Variants in IGF2BP2 observed in about 807,000 individuals in gnomAD.
The protein encoded by IGF2BP2 is insulin like growth factor 2 mRNA binding protein 2, also known as insulin-like growth factor 2 mRNA-binding protein 2.
Under a neutral mutation model 75.8 loss-of-function variants are expected in IGF2BP2, and 17 were observed. The ratio of observed to expected loss-of-function variants is 0.22; its 90% CI spans 0.15 to 0.34. The LOEUF is 0.34. IGF2BP2 is among the 10% of genes least tolerant of loss of function. The pLI is 1.00. For missense variants in IGF2BP2, 516 were observed against 772.4 expected, an observed-to-expected ratio of 0.67 and a Z score of 3.93; for synonymous variants, 288 against 295.6, an observed-to-expected ratio of 0.97 and a Z score of 0.26.
intron 2 of IGF2BP2, among the ~76,000 whole-genome samples, chr3:185,719,882 AG>A (rs1726245505): frequency 6.6e-6 from 1 of 151,958 alleles, no homozygotes; most frequent in Non-Finnish European, 1.5e-5. Context: ...AAGGAAGAAA[AG>A]TTGGAGTATA....
At chr3:185,800,718 A>AAAAAGAAAGAAAG (rs771868332) in intron 2 of IGF2BP2, among the ~76,000 whole-genome samples, 2,435 of 143,352 alleles carry the variant, frequency 0.017, 59 homozygotes, top group African/African-American at 0.05. Context: ...GAGCCAAAAA[A>AAAAAGAAAGAAAG]AAAGAAAGAA....
At chr3:185,722,132 C>G in intron 2 of IGF2BP2, 1 of 372,478 alleles carries the variant, frequency 2.7e-6, no homozygotes. Flanking sequence ...GAGTGTCTCA[C>G]TATGTTGCCC....
chr3:185,824,622 G>A lies in IGF2BP2; in HGVS notation c.178+161C>T, dbSNP rs367863985. 1.1e-4 allele frequency among the ~76,000 whole-genome samples: 16 copies of A among 151,984 alleles called. No homozygotes were observed. In the East Asian group the frequency reaches 2.0e-3, roughly 19 times the overall value. On this transcript the variant is annotated intron_variant, in intron 1 of 15. Coordinates refer to ENST00000382199, the MANE Select transcript of IGF2BP2 (RefSeq NM_006548.6). ...GGGGGAGGGGAGCGGGCCGTCCCAG[G>A]AGCGGGCCGGCGGCGAGAGTTGAGG... is the stretch of plus-strand genomic sequence containing the variant.
chr3:185,745,410 G>A (rs905462249), intron 2 of IGF2BP2, among the ~76,000 whole-genome samples: 3 of 152,144 alleles, frequency 2.0e-5, no homozygotes, highest in Non-Finnish European at 4.4e-5. Context: ...TGCAGGGTTC[G>A]AGGTTAGTAG....
chr3:185,808,109 G>A (rs1418604848), intron 2 of IGF2BP2, among the ~76,000 whole-genome samples: 5 of 136,046 alleles, frequency 3.7e-5, no homozygotes, highest in African/African-American at 1.5e-4. Flanking sequence ...CCAAGACCTC[G>A]TTTCTTTTAA....
intron 2 of IGF2BP2, among the ~76,000 whole-genome samples, chr3:185,772,577 C>CT (rs368068706): frequency 0.021 from 2,464 of 118,096 alleles, 62 homozygotes; most frequent in East Asian, 0.025. Flanking sequence ...CCTTCTCTCT[C>CT]TTTTTTTTTT....
chr3:185,677,251 T>A (rs374563370), intron 7 of IGF2BP2, among the ~76,000 whole-genome samples: 20 of 151,700 alleles, frequency 1.3e-4, no homozygotes, highest in East Asian at 5.8e-4. Flanking sequence ...GGATTATGCA[T>A]ACAACATTTT....
chr3:185,684,253 C>T (rs1370021030), intron 7 of IGF2BP2, among the ~76,000 whole-genome samples: 2 of 152,110 alleles, frequency 1.3e-5, no homozygotes, highest in Non-Finnish European at 2.9e-5. Flanking sequence ...TATCTTCTAC[C>T]TCTTATTCAG....
chr3:185,794,123 A>T (rs940011811), intron 2 of IGF2BP2, among the ~76,000 whole-genome samples: 1 of 151,146 alleles, frequency 6.6e-6, no homozygotes, highest in East Asian at 1.9e-4. Flanking sequence ...ACACCTGGCT[A>T]ATTTTTTTTA....
intron 14 of IGF2BP2, among the ~76,000 whole-genome samples, chr3:185,648,175 A>C (rs967107021): frequency 1.3e-5 from 2 of 152,220 alleles, no homozygotes; most frequent in Non-Finnish European, 2.9e-5. Flanking sequence ...GCTTTACAAC[A>C]GCTGGGTGTG....
chr3:185,711,630 C>T (rs562762676), intron 2 of IGF2BP2, among the ~76,000 whole-genome samples: 57 of 152,282 alleles, frequency 3.7e-4, no homozygotes, highest in Admixed American at 6.5e-4. Context: ...AAGTGAATAA[C>T]GGTGAACGAC....
At chr3:185,692,601 C>G (rs1722089245) in intron 5 of IGF2BP2, 98 bp downstream of exon 5, 2 of 1,097,996 alleles carry the variant, frequency 1.8e-6, no homozygotes, top group African/African-American at 1.6e-5. Flanking sequence ...GCTCAAAGAT[C>G]TGCATCTTTT....
chr3:185,651,719 C>T (rs887104600), intron 13 of IGF2BP2, among the ~76,000 whole-genome samples: 2 of 152,198 alleles, frequency 1.3e-5, no homozygotes, highest in African/African-American at 4.8e-5. Flanking sequence ...AAAAAACCTT[C>T]CAACAAACCA....
At chr3:185,728,068 C>A (rs1239385055) in intron 2 of IGF2BP2, among the ~76,000 whole-genome samples, 1 of 152,208 alleles carries the variant, frequency 6.6e-6, no homozygotes, top group Non-Finnish European at 1.5e-5. Flanking sequence ...TAGGGAGGGG[C>A]ACTTCCGTTA....
intron 2 of IGF2BP2, among the ~76,000 whole-genome samples, chr3:185,816,649 T>C (rs1216534346): frequency 1.3e-5 from 2 of 152,154 alleles, no homozygotes; most frequent in Non-Finnish European, 2.9e-5. Context: ...AAACAAATTA[T>C]TAAGCTTGTC....
intron 13 of IGF2BP2, among the ~76,000 whole-genome samples, chr3:185,649,987 C>A (rs146083966): frequency 6.6e-6 from 1 of 151,886 alleles, no homozygotes; most frequent in Non-Finnish European, 1.5e-5. Context: ...ATTTGAGGAG[C>A]CTGATATTGT....
intron 2 of IGF2BP2, among the ~76,000 whole-genome samples, chr3:185,719,133 A>C (rs546590364): frequency 6.6e-6 from 1 of 152,330 alleles, no homozygotes; most frequent in East Asian, 1.9e-4. Context: ...ATGAATACTA[A>C]GTGGGGATAA....
At chr3:185,712,420 C>T (rs1001345173) in intron 2 of IGF2BP2, 7 of 152,086 alleles carry the variant, frequency 4.6e-5, no homozygotes, top group African/African-American at 1.7e-4. Flanking sequence ...CCATAATTCT[C>T]CCCACTCCTA....
intron 12 of IGF2BP2, among the ~76,000 whole-genome samples, chr3:185,654,185 T>G (rs1033673735): frequency 7.2e-5 from 11 of 152,212 alleles, no homozygotes; most frequent in African/African-American, 2.6e-4. Flanking sequence ...GAGACTCAGG[T>G]GATCAACAGC....
Sources: allele counts gnomAD v4.1 joint callset (sites outside exome capture counted in the v4.1 genomes callset), GRCh38; gene constraint gnomAD v4.1.1; transcripts MANE v1.5; gene names NCBI Gene and HGNC (gene_info 2026-07-23, HGNC 2026-07-21).